JADE2: variants seen among roughly 807,000 people sequenced by gnomAD.
The protein encoded by JADE2 is jade family PHD finger 2.
A neutral mutation model predicts 85.7 loss-of-function variants in JADE2; 13 were observed. The ratio of observed to expected loss-of-function variants is 0.15; its 90% confidence interval spans 0.10 to 0.24. The LOEUF (loss-of-function observed/expected upper bound fraction) is 0.24, where lower values mean the gene tolerates loss of function less well. Ranked by LOEUF, JADE2 falls within the 10% of genes least tolerant of loss-of-function variation. The pLI is 1.00. For synonymous variants in JADE2, 440 were observed against 456.1 expected (o/e 0.96, Z 0.45); for missense variants, 846 against 1,115.9 (o/e 0.76, Z 3.45).
chr5:134,568,781 T>G (rs1242314044), intron 9 of JADE2, among the ~76,000 whole-genome samples: 1 of 152,240 alleles, frequency 6.6e-6, no homozygotes, highest in East Asian at 1.9e-4. Flanking sequence ...AGGTCACACA[T>G]TTGCAACTTG....
rs1211519629 is a variant in JADE2 at position 134,582,377 on chromosome 5, A to G, written c.*3060A>G. ...TTGAATTGTTTGTGGGGGGTGTGCC[A>G]GGCCACGTCTCGTGTGTCCGTATGC... On this transcript the variant is annotated 3_prime_UTR_variant, in exon 12 of 12. Coordinates refer to ENST00000681547, the MANE Select transcript of JADE2 (RefSeq NM_001388185.1). 2 of 152,052 alleles carry G rather than the reference A, an allele frequency of 1.3e-5. No homozygotes were observed. Among genetic ancestry groups the G allele is most frequent in the African/African-American group, 2.4e-5 (1 of 41,392 alleles). The allele number at this position is 152,052 out of a possible 1,614,324, so 9.4% of individuals were successfully genotyped here.
intron 3 of JADE2, among the ~76,000 whole-genome samples, chr5:134,543,430 T>C (rs1005513250): frequency 7.3e-5 from 11 of 150,180 alleles, no homozygotes; most frequent in South Asian, 2.2e-4. Context: ...CCCAGCACTT[T>C]GGGAGGCCAA....
intron 1 of JADE2, chr5:134,526,295 G>A (rs924508829): frequency 4.2e-5 from 41 of 985,196 alleles, no homozygotes; most frequent in Non-Finnish European, 4.8e-5. Flanking sequence ...GGGTGAGCTT[G>A]GCGACCTTCT....
In JADE2 at chr5:134,579,150, G is replaced by C; in HGVS notation, c.2338G>C (p.Ala780Pro). The C allele has an allele frequency of 6.2e-7, 1 of 1,614,254 alleles. No individual in the cohort carries two copies. Among genetic ancestry groups the C allele is most frequent in the Non-Finnish European group, 8.5e-7 (1 of 1,180,048 alleles). ...TGGGATGGGACCACCTTCAGCTGTG[G>C]CTGAGAGGCCCAAGGTCAGCCTGCA... ...DAGMGPPSAV[A>P]ERPKVSLHFD... The change falls in exon 12 of 12, where the codon GCT becomes CCT. Residue 780 changes from alanine to proline, a missense_variant. Transcript: ENST00000681547. The surrounding 1 kb of genome is among the most constrained non-coding windows in gnomAD (Gnocchi z 4.6).
chr5:134,556,776 C>T (rs1762960003), intron 4 of JADE2, among the ~76,000 whole-genome samples: 1 of 147,256 alleles, frequency 6.8e-6, no homozygotes, highest in Non-Finnish European at 1.5e-5. Context: ...ACGCACACCA[C>T]ACACACACCT....
At chr5:134,574,121 G>A (rs563140032) in intron 10 of JADE2, 1 of 349,162 alleles carries the variant, frequency 2.9e-6, no homozygotes, top group Non-Finnish European at 5.5e-6. Flanking sequence ...AGGGCCAGAA[G>A]CTGGTGAGCT....
intron 1 of JADE2, among the ~76,000 whole-genome samples, chr5:134,527,630 C>G (rs543251853): frequency 3.3e-5 from 5 of 152,094 alleles, no homozygotes; most frequent in East Asian, 2.0e-4. Flanking sequence ...CGGAGCCCCC[C>G]GCAGCCTCCT....
chr5:134,564,474 G>A lies in JADE2; in HGVS notation c.853-20G>A. The A allele has an allele frequency of 1.3e-6, 2 of 1,517,438 alleles. No individual in the cohort carries two copies. Among genetic ancestry groups the A allele is most frequent in the Non-Finnish European group, 1.8e-6 (2 of 1,117,788 alleles). 94.0% of individuals were successfully genotyped at this position (1,517,438 alleles called of 1,614,324 possible). A position where few individuals can be genotyped will look rare whatever the true frequency, so the allele number is the denominator to read the frequency against. On this transcript the variant is annotated intron_variant, in intron 7 of 11. Transcript: ENST00000681547. ...GGCTGGGGATGAGAGGAATGATGCA[G>A]CCCCCTGTGTCCTGCCCAGGTCAGC...
At position 134,562,766 on chromosome 5, in the gene JADE2, A is replaced by C. The variant is rs1486609222; in HGVS notation, c.852+399A>C. On this transcript the variant is annotated intron_variant, in intron 7 of 11. Transcript: ENST00000681547. The surrounding 1 kb of genome is among the most constrained non-coding windows in gnomAD (Gnocchi z 4.6). ...GTGACAGAGCAAGACTCCGTCTGAA[A>C]AACAAAACAAAACAAAGCACACACT... Among the ~76,000 whole-genome samples, 1 of 152,002 alleles carries C rather than the reference A, an allele frequency of 6.6e-6. No individual in the cohort carries two copies. Among genetic ancestry groups the C allele is most frequent in the Non-Finnish European group, 1.5e-5 (1 of 67,958 alleles).
intron 3 of JADE2, among the ~76,000 whole-genome samples, chr5:134,550,946 A>G (rs1464662147): frequency 6.6e-6 from 1 of 152,118 alleles, no homozygotes; most frequent in Non-Finnish European, 1.5e-5. Flanking sequence ...CCCCTTCCCC[A>G]ACACACACAA....
At chr5:134,559,551 C>G (rs1026715370) in intron 4 of JADE2, among the ~76,000 whole-genome samples, 10 of 152,200 alleles carry the variant, frequency 6.6e-5, no homozygotes, top group African/African-American at 2.4e-4. Flanking sequence ...ATAGGGTAAG[C>G]AAGGCTGCGG....
chr5:134,542,959 C>T (rs1762061687), intron 3 of JADE2, among the ~76,000 whole-genome samples: 1 of 151,786 alleles, frequency 6.6e-6, no homozygotes, highest in Admixed American at 6.6e-5. Context: ...TCTCAAACTC[C>T]TGACCTCAAG....
intron 10 of JADE2, 154 bp downstream of exon 10, chr5:134,573,916 T>G (rs748828580): frequency 5.5e-6 from 4 of 724,772 alleles, no homozygotes; most frequent in Non-Finnish European, 1.0e-5. Flanking sequence ...ATCCAATTAG[T>G]AGGCCCAGAC....
At chr5:134,541,739 A>G (rs1325664191) in intron 3 of JADE2, among the ~76,000 whole-genome samples, 3 of 144,184 alleles carry the variant, frequency 2.1e-5, no homozygotes, top group Non-Finnish European at 4.6e-5. Flanking sequence ...TCCAACAGCT[A>G]TGAAAGGGCT....
chr5:134,568,235 G>A (rs938118501), intron 9 of JADE2, among the ~76,000 whole-genome samples: 1 of 152,224 alleles, frequency 6.6e-6, no homozygotes, highest in Non-Finnish European at 1.5e-5. Context: ...CTGCTGAGCA[G>A]ATGAGGAAAC....
Position 134,566,606 on chromosome 5 carries a change from C to G in JADE2, c.1434+26C>G, listed in dbSNP as rs1434109629. The G allele has an allele frequency of 6.7e-7, 1 of 1,501,236 alleles. No homozygotes were observed. Among genetic ancestry groups the G allele is most frequent in the Non-Finnish European group, 9.0e-7 (1 of 1,113,172 alleles). 93.0% of individuals were successfully genotyped at this position (1,501,236 alleles called of 1,614,324 possible). ...GTGAGTCCCCATGCCGCCTGCCCAC[C>G]CCCTGCCTGGTGGGTCCAGGAGTCC... On this transcript the variant is annotated intron_variant, in intron 9 of 11. Transcript: ENST00000681547. The surrounding 1 kb of genome is among the most constrained non-coding windows in gnomAD (Gnocchi z 6.7).
chr5:134,549,084 G>A (rs1762457896), intron 3 of JADE2, among the ~76,000 whole-genome samples: 1 of 152,188 alleles, frequency 6.6e-6, no homozygotes, highest in Non-Finnish European at 1.5e-5. Flanking sequence ...CAAGAAACCA[G>A]CAATGTGAGT....
chr5:134,551,663 C>T lies in JADE2; in HGVS notation c.154-389C>T, dbSNP rs552962814. ...AAAGTGTTGGGATTACAGGCATGAG[C>T]CACCATGCCCGGCCATCAGTATTGC... On this transcript the variant is annotated intron_variant, in intron 3 of 11. Transcript: ENST00000681547. Among the ~76,000 whole-genome samples, 13 of 152,274 alleles carry T rather than the reference C, an allele frequency of 8.5e-5. No individual in the cohort carries two copies. The South Asian group carries it at 2.5e-3, about 29-fold the overall frequency.
intron 1 of JADE2, among the ~76,000 whole-genome samples, chr5:134,532,420 G>A (rs184128066): frequency 1.0e-3 from 159 of 152,268 alleles, no homozygotes; most frequent in African/African-American, 3.6e-3. Context: ...GGGACTCTAC[G>A]ACACCCACAC....
Sources: gnomAD v4.1 joint callset for allele counts (sites outside exome capture counted in the v4.1 genomes callset) on GRCh38, gnomAD v4.1.1 for gene constraint, Gnocchi (gnomAD v3.1) non-coding constraint, MANE v1.5 for transcripts, NCBI Gene and HGNC (gene_info 2026-07-23, HGNC 2026-07-21) for gene names.